TAF9B: variants seen among roughly 807,000 people sequenced by gnomAD.
TAF9B encodes TATA-box binding protein associated factor 9b.
TAF9B carries 47 observed loss-of-function variants against 17.6 expected under a neutral mutation model. That is an observed-to-expected ratio of 2.68 (90% CI 2.12 to 3.41). The LOEUF (loss-of-function observed/expected upper bound fraction) is 3.41, where lower values mean the gene tolerates loss of function less well. TAF9B is among the 30% of genes most tolerant of loss of function. The pLI is 0.00. For synonymous variants in TAF9B, 84 were observed against 68.7 expected (o/e 1.22, Z -1.10); for missense variants, 218 against 189.3 (o/e 1.15, Z -0.89).
At chrX:78,138,313 C>T (rs1328889914) in intron 2 of TAF9B, among the ~76,000 whole-genome samples, 1 of 112,293 alleles carries the variant, frequency 8.9e-6, no homozygotes, top group African/African-American at 3.2e-5. Context: ...CTACTGTGCT[C>T]AGCCTAAATG....
intron 4 of TAF9B, among the ~76,000 whole-genome samples, 178 bp downstream of exon 4, chrX:78,137,569 CTG>C (rs1297449555): frequency 1.8e-5 from 2 of 111,609 alleles, no homozygotes; most frequent in African/African-American, 6.5e-5. Flanking sequence ...TGAAAAATGA[CTG>C]TTGAGTTAGA....
chrX:78,137,519 T>A (rs1223639492), intron 4 of TAF9B, among the ~76,000 whole-genome samples: 1 of 111,746 alleles, frequency 8.9e-6, no homozygotes, highest in African/African-American at 3.3e-5. Flanking sequence ...CTAGCTTTGC[T>A]ACTAACTTCA....
Position 78,137,843 on chromosome X carries a change from A to G in TAF9B, c.311T>C (p.Leu104Ser). The G allele has an allele frequency of 8.3e-7, 1 of 1,210,178 alleles. No homozygotes were observed. Among genetic ancestry groups the G allele is most frequent in the Non-Finnish European group, 1.1e-6 (1 of 895,128 alleles). ...TCCTGCATATGGCTTAATCAGTGGC[A>G]AAGGGGTTTGATTTTTCTGCCTTGC... Reference protein sequence around the residue: ...DIARQKNQTPLPLIKPYAGPR... With the variant: ...DIARQKNQTPSPLIKPYAGPR... The change falls in exon 4 of 7, where the codon TTG becomes TCG. Residue 104 changes from leucine (L) to serine (S), a missense_variant. By Grantham distance (145) the Leu-to-Ser change is moderately radical (BLOSUM62 -2). Coordinates refer to ENST00000341864, the MANE Select transcript of TAF9B (RefSeq NM_015975.5).
chrX:78,131,530 G>A lies in TAF9B; in HGVS notation c.*80C>T. The A allele has an allele frequency of 1.1e-6, 1 of 894,746 alleles. No homozygotes were observed. The allele number at this position is 894,746 out of a possible 1,213,427, so 73.7% of individuals were successfully genotyped here. ...ATTTCAGTCTTTTAAGGTAAAACAA[G>A]ATCTAGAATATTCTAGTTCAGTATA... On this transcript the variant is annotated 3_prime_UTR_variant, in exon 7 of 7. Transcript: ENST00000341864.
rs2078412623 is a variant in TAF9B, at chrX:78,131,575, T to A, written c.*35A>T. The A allele has an allele frequency of 8.5e-7, 1 of 1,172,856 alleles. No individual in the cohort carries two copies. The highest frequency in any genetic ancestry group is 1.2e-6 in the Non-Finnish European group (1 of 869,176). On this transcript the variant is annotated 3_prime_UTR_variant, in exon 7 of 7. Transcript: ENST00000341864. The stretch of plus-strand genomic sequence containing the variant: ...AGTATACTGGGCTCAAAACCAACTT[T>A]CCTTTTGAAATGCATCTAGACTAGA...
At position 78,133,367 on chromosome X, in the gene TAF9B, G is replaced by A. The variant is rs1432425067; in HGVS notation, c.563C>T (p.Pro188Leu). ...TTTGACAGGTGTGGACTGAGAAGGT[G>A]GAATCTGCACCGTAAATCTTTGGCT... ...VTSQRFTVQI[P>L]PSQSTPVKPV... is the part of the protein sequence containing the mutation. Residue 188 changes from proline (P) to leucine (L), a missense_variant, in exon 6 of 7, where the codon CCA (proline) becomes CTA (leucine). Pro to Leu is a moderately conservative substitution (Grantham distance 98, BLOSUM62 -3). Transcript: ENST00000341864. 3 of 1,210,842 alleles carry A rather than the reference G, an allele frequency of 2.5e-6. No individual in the cohort carries two copies. The highest frequency in any genetic ancestry group is 3.4e-6 in the Non-Finnish European group (3 of 894,533).
In TAF9B at chrX:78,138,059, G is replaced by A. The variant is rs782493957; in HGVS notation, c.173C>T (p.Ser58Leu). 19 of 1,205,242 alleles carry A rather than the reference G, an allele frequency of 1.6e-5. No homozygotes were observed. Among genetic ancestry groups the A allele is most frequent in the South Asian group, 3.6e-5 (2 of 55,741 alleles). ...AACATTAGGTTTCTTAGCATGGCTCGAATAAATTTTTGCATCATCCAGAAT... is the reference window on the plus strand; with the variant it reads ...AACATTAGGTTTCTTAGCATGGCTCAAATAAATTTTTGCATCATCCAGAAT... Reference protein sequence around the residue: ...TTILDDAKIYSSHAKKPNVDA... With the variant: ...TTILDDAKIYLSHAKKPNVDA... Residue 58 changes from serine (S) to leucine (L), a missense_variant, in exon 3 of 7, where the codon TCG becomes TTG. By Grantham distance (145) the Ser-to-Leu change is moderately radical (BLOSUM62 -2). Transcript: ENST00000341864.
At chrX:78,138,736 C>G (rs2078444252) in intron 2 of TAF9B, 107 bp downstream of exon 2, 2 of 658,090 alleles carry the variant, frequency 3.0e-6, no homozygotes, top group Admixed American at 2.7e-5. Flanking sequence ...GCCTGGGCAA[C>G]AGCGAGTCCC....
rs974956952 is a variant in TAF9B, at chrX:78,137,650, C to T, written c.405+99G>A. The T allele has an allele frequency of 2.1e-5, 17 of 803,400 alleles. No individual in the cohort carries two copies. The African/African-American group carries it at 3.0e-4, about 14-fold the overall frequency. The allele number at this position is 803,400 out of a possible 1,213,427, so 66.2% of individuals were successfully genotyped here. Reference sequence around the variant, plus strand: ...AAAAAATTCTAGTAAGTTATCTTAACCTTTAATCTACTATACTAGCTACAG... The same window carrying T: ...AAAAAATTCTAGTAAGTTATCTTAATCTTTAATCTACTATACTAGCTACAG... On this transcript the variant is annotated intron_variant, in intron 4 of 6. Coordinates refer to ENST00000341864, the MANE Select transcript of TAF9B (RefSeq NM_015975.5).
At chrX:78,137,152 T>G (rs2078437232) in intron 4 of TAF9B, among the ~76,000 whole-genome samples, 162 bp from the exon 5 acceptor site, 1 of 112,402 alleles carries the variant, frequency 8.9e-6, no homozygotes, top group South Asian at 3.6e-4. Context: ...CTGGGGTTTG[T>G]ATAAACATAT....
rs2078447909 is a variant in TAF9B at position 78,139,551 on chromosome X, T to C, written c.51+10A>G. On this transcript the variant is annotated intron_variant, in intron 1 of 6. Transcript: ENST00000341864. ...GGCTTCGCGATCCGCGGCTTATCCT[T>C]CGCACTTACCAAGGCATCTCTCGGA... 8.3e-7 allele frequency: 1 copy of C among 1,211,495 alleles called. No homozygotes were observed. Among genetic ancestry groups the C allele is most frequent in the Non-Finnish European group, 1.1e-6 (1 of 895,290 alleles).
intron 5 of TAF9B, 71 bp from the exon 6 acceptor site, chrX:78,133,519 C>T (rs782473068): frequency 1.6e-5 from 12 of 746,533 alleles, no homozygotes; most frequent in South Asian, 4.8e-5. Flanking sequence ...CTCAGCTTAC[C>T]GCAAACTATC....
At chrX:78,139,110 C>G (rs1253546076) in intron 1 of TAF9B, among the ~76,000 whole-genome samples, 186 bp from the exon 2 acceptor site, 1 of 110,965 alleles carries the variant, frequency 9.0e-6, no homozygotes, top group Non-Finnish European at 1.9e-5. Context: ...TTGCAGAAAA[C>G]TTTTATTTTT....
rs2078412236 is a variant in TAF9B at position 78,131,513 on chromosome X, CTT to C, written c.*95_*96del. The C allele has an allele frequency of 2.6e-5, 20 of 774,239 alleles. No homozygotes were observed. The highest frequency in any genetic ancestry group is 6.4e-5 in the Admixed American group (2 of 31,030). 63.8% of individuals were successfully genotyped at this position (774,239 alleles called of 1,213,427 possible). ...AAAAATACTGCAGCTACATTTCAGT[CTT>C]TTAAGGTAAAACAAGATCTAGAATA... On this transcript the variant is annotated 3_prime_UTR_variant, in exon 7 of 7. Transcript: ENST00000341864.
chrX:78,132,382 G>A (rs554763458), intron 6 of TAF9B, among the ~76,000 whole-genome samples: 9 of 111,918 alleles, frequency 8.0e-5, no homozygotes, highest in African/African-American at 2.9e-4. Context: ...GGTTGAAGAA[G>A]TTCTGTTGTA....
chrX:78,137,961 C>CA lies in TAF9B; in HGVS notation c.270dup (p.Leu92PhefsTer17). ...ATAACTTCAAATCAAAGTTTGCTCA[C>CA]ATCTCTTGGGGGAGGAGAGGTAAAA... On this transcript the variant is annotated frameshift_variant and splice_region_variant. Transcript: ENST00000341864. LOFTEE classifies it high-confidence loss of function. 1 of 1,206,309 alleles carries CA rather than the reference C, an allele frequency of 8.3e-7. No homozygotes were observed. Among genetic ancestry groups the CA allele is most frequent in the African/African-American group, 1.7e-5 (1 of 57,473 alleles).
In TAF9B at chrX:78,139,623, A is replaced by G. The variant is rs1003853524; in HGVS notation, c.-12T>C. On this transcript the variant is annotated 5_prime_UTR_variant, in exon 1 of 7. Coordinates refer to ENST00000341864, the MANE Select transcript of TAF9B (RefSeq NM_015975.5). ...TTGCCCGACTCCATGTTATCCAGCC[A>G]CTCGTCATCCGCGGAGACAGAGGAG... The G allele has an allele frequency of 8.3e-7, 1 of 1,209,744 alleles. No individual in the cohort carries two copies. Among genetic ancestry groups the G allele is most frequent in the Non-Finnish European group, 1.1e-6 (1 of 894,525 alleles).
intron 5 of TAF9B, among the ~76,000 whole-genome samples, chrX:78,135,451 C>T (rs1480257613): frequency 2.9e-5 from 3 of 104,524 alleles, no homozygotes; most frequent in East Asian, 3.1e-4. Context: ...AAAAATTAGC[C>T]TGGTGTGGTG....
At chrX:78,137,613 T>G in intron 4 of TAF9B, 136 bp downstream of exon 4, 2 of 583,648 alleles carry the variant, frequency 3.4e-6, no homozygotes, top group East Asian at 4.0e-5. Context: ...GCTCGAAAAT[T>G]TTTTAAAATT....
Sources: gnomAD v4.1 joint callset for allele counts (sites outside exome capture counted in the v4.1 genomes callset) on GRCh38, gnomAD v4.1.1 for gene constraint, MANE v1.5 for transcripts, NCBI Gene and HGNC (gene_info 2026-07-23, HGNC 2026-07-21) for gene names.